SPTLC2: variants seen among roughly 807,000 people sequenced by gnomAD.
The protein encoded by SPTLC2 is serine palmitoyltransferase 2.
In SPTLC2, 21 loss-of-function variants were observed where a neutral mutation model predicts 62.0. The ratio of observed to expected loss-of-function variants is 0.34; its 90% CI spans 0.24 to 0.49. The LOEUF (loss-of-function observed/expected upper bound fraction) is 0.49. Among genes scored for constraint, SPTLC2 ranks in the 20% least tolerant of loss-of-function variants. The probability of loss-of-function intolerance (pLI) is 0.99; values close to 1 mark genes in which losing one functional copy is unlikely to be tolerated. For synonymous variants in SPTLC2, 261 were observed against 261.8 expected (o/e 1.00, Z 0.03); for missense variants, 511 against 713.0 (o/e 0.72, Z 3.23).
At chr14:77,547,337 A>G (rs1300168563) in intron 9 of SPTLC2, among the ~76,000 whole-genome samples, 1 of 152,194 alleles carries the variant, frequency 6.6e-6, no homozygotes, top group Admixed American at 6.5e-5. Context: ...TGAATTTCTA[A>G]TAGTGAAATA....
intron 1 of SPTLC2, among the ~76,000 whole-genome samples, chr14:77,614,853 C>T (rs2079957372): frequency 6.6e-6 from 1 of 150,798 alleles, no homozygotes; most frequent in Non-Finnish European, 1.5e-5. Flanking sequence ...CGCCTGTAAT[C>T]CCAGCTACTC....
chr14:77,601,547 G>A (rs1427082350), intron 1 of SPTLC2, among the ~76,000 whole-genome samples: 1 of 152,104 alleles, frequency 6.6e-6, no homozygotes, highest in African/African-American at 2.4e-5. Context: ...CCTGTTTGGG[G>A]GGGTCTCTTC....
At chr14:77,577,062 G>A (rs1180424419) in intron 3 of SPTLC2, 147 bp from the exon 4 acceptor site, 1 of 841,230 alleles carries the variant, frequency 1.2e-6, no homozygotes, top group East Asian at 2.6e-5. Flanking sequence ...TATGGAAATA[G>A]AAGTTAAAAT....
At chr14:77,545,769 C>T (rs2079525194) in intron 9 of SPTLC2, among the ~76,000 whole-genome samples, 1 of 152,128 alleles carries the variant, frequency 6.6e-6, no homozygotes, top group African/African-American at 2.4e-5. Context: ...CTTCAACAAA[C>T]AATAGACACT....
chr14:77,609,629 C>T (rs904002108), intron 1 of SPTLC2, among the ~76,000 whole-genome samples: 1 of 152,018 alleles, frequency 6.6e-6, no homozygotes, highest in African/African-American at 2.4e-5. Context: ...CCCAGCTACT[C>T]GGAAGGCGGA....
At chr14:77,576,421 A>C (rs114506513) in intron 4 of SPTLC2, among the ~76,000 whole-genome samples, 3,974 of 152,314 alleles carry the variant, frequency 0.026, 175 homozygotes, top group African/African-American at 0.091. Context: ...ATGAAAGCAG[A>C]TTAACTCTCA....
intron 9 of SPTLC2, 83 bp downstream of exon 9, chr14:77,552,013 A>AT: frequency 1.3e-6 from 2 of 1,570,744 alleles, no homozygotes; most frequent in Non-Finnish European, 1.7e-6. Flanking sequence ...CTGACTATTT[A>AT]TTTTAGGAAA....
chr14:77,550,732 T>A (rs747210042), intron 9 of SPTLC2, among the ~76,000 whole-genome samples: 42 of 151,210 alleles, frequency 2.8e-4, no homozygotes, highest in Non-Finnish European at 5.0e-4. Context: ...TGAAACCCCA[T>A]CTCTACAAAA....
intron 9 of SPTLC2, among the ~76,000 whole-genome samples, chr14:77,526,569 GGTTT>G (rs1360528148): frequency 6.6e-6 from 1 of 151,996 alleles, no homozygotes; most frequent in Non-Finnish European, 1.5e-5. Context: ...ACTTCAATAT[GGTTT>G]GTTAGAATAA....
At chr14:77,590,971 G>A (rs947954040) in intron 2 of SPTLC2, among the ~76,000 whole-genome samples, 4 of 152,184 alleles carry the variant, frequency 2.6e-5, no homozygotes, top group African/African-American at 9.6e-5. Flanking sequence ...TAGTCCAAAC[G>A]GATACAGAGG....
In SPTLC2 at chr14:77,557,157, CA is replaced by C. The variant is rs746740264; in HGVS notation, c.851-12del. On this transcript the variant is annotated splice_polypyrimidine_tract_variant and intron_variant, in intron 6 of 11. Coordinates refer to ENST00000216484, the MANE Select transcript of SPTLC2 (RefSeq NM_004863.4). Reference sequence around the variant, plus strand: ...CTAGGCTTTGCATATCTACAGAGCACAAAAAAGAACAGTTATACCGCATCTT... The same window carrying C: ...CTAGGCTTTGCATATCTACAGAGCACAAAAAGAACAGTTATACCGCATCTT... The C allele has an allele frequency of 1.9e-6, 3 of 1,600,700 alleles. No individual in the cohort carries two copies. Among genetic ancestry groups the C allele is most frequent in the Admixed American group, 3.3e-5 (2 of 59,802 alleles).
intron 8 of SPTLC2, chr14:77,554,876 T>C: frequency 4.2e-6 from 1 of 239,856 alleles, no homozygotes; most frequent in Non-Finnish European, 8.3e-6. Flanking sequence ...GGCACAACTT[T>C]TTTGCTTCCT....
At chr14:77,532,788 A>T (rs1334817393) in intron 9 of SPTLC2, among the ~76,000 whole-genome samples, 1 of 134,532 alleles carries the variant, frequency 7.4e-6, no homozygotes, top group African/African-American at 2.6e-5. Flanking sequence ...TGTCTCAAAA[A>T]ATAAAAATAA....
Position 77,566,066 on chromosome 14 carries a change from T to C in SPTLC2, c.757-3577A>G, listed in dbSNP as rs540973465. ...CTCTATCTTAAAAAGAACCCTCCCT[T>C]CCCTTCCCCTCCGCACAAAATTTTA... On this transcript the variant is annotated intron_variant, in intron 5 of 11. Coordinates refer to ENST00000216484, the MANE Select transcript of SPTLC2 (RefSeq NM_004863.4). 7.2e-5 allele frequency among the ~76,000 whole-genome samples: 11 copies of C among 152,250 alleles called. No individual in the cohort carries two copies. The East Asian group carries it at 2.1e-3, about 29-fold the overall frequency.
rs113909970 is a variant in SPTLC2, at chr14:77,551,863, G to C, written c.1303+233C>G. Reference sequence around the variant, plus strand: ...CTGAGTTAAGAGGGTATGTAGGATAGTAAGAGTAAAGCCTCCCATCTATAA... The same window carrying C: ...CTGAGTTAAGAGGGTATGTAGGATACTAAGAGTAAAGCCTCCCATCTATAA... On this transcript the variant is annotated intron_variant, in intron 9 of 11. Transcript: ENST00000216484. Among the ~76,000 whole-genome samples the C allele has an allele frequency of 0.028, 4,316 of 152,276 alleles. 221 individuals carry two copies. The highest frequency in any genetic ancestry group is 0.099 in the African/African-American group (4,094 of 41,534).
At chr14:77,581,926 T>C (rs985799560) in intron 2 of SPTLC2, among the ~76,000 whole-genome samples, 1 of 152,166 alleles carries the variant, frequency 6.6e-6, no homozygotes. Context: ...CATGCATTTA[T>C]TTCCCAAAGG....
chr14:77,538,118 T>C (rs1253522460), intron 9 of SPTLC2, among the ~76,000 whole-genome samples: 1 of 152,268 alleles, frequency 6.6e-6, no homozygotes, highest in Non-Finnish European at 1.5e-5. Flanking sequence ...CTCTGATTTA[T>C]AGTTTATAAA....
chr14:77,597,783 A>T (rs1157642336), intron 1 of SPTLC2, among the ~76,000 whole-genome samples: 1 of 151,356 alleles, frequency 6.6e-6, no homozygotes, highest in East Asian at 2.0e-4. Context: ...CAAAAAAAAA[A>T]AGGAATTTTC....
intron 9 of SPTLC2, among the ~76,000 whole-genome samples, chr14:77,527,200 G>A (rs968058692): frequency 1.3e-5 from 2 of 151,454 alleles, no homozygotes; most frequent in South Asian, 2.1e-4. Flanking sequence ...AGGCTCAAGC[G>A]ATTCTCCTGC....
Sources: allele counts gnomAD v4.1 joint callset (sites outside exome capture counted in the v4.1 genomes callset), GRCh38; gene constraint gnomAD v4.1.1; transcripts MANE v1.5; gene names NCBI Gene and HGNC (gene_info 2026-07-23, HGNC 2026-07-21).